POLG2: variants seen among roughly 807,000 people sequenced by gnomAD.
POLG2 encodes the protein DNA polymerase subunit gamma-2.
A neutral mutation model predicts 56.5 loss-of-function variants in POLG2; 50 were observed. That is an observed-to-expected ratio of 0.88 (90% CI 0.71 to 1.12). POLG2 has a LOEUF of 1.12. Ranked by LOEUF, POLG2 falls within the 50% of genes most tolerant of loss-of-function variation. POLG2 has a pLI of 0.00. For synonymous variants in POLG2, 226 were observed against 222.6 expected (o/e 1.02, Z -0.14); for missense variants, 584 against 583.3 (o/e 1.00, Z -0.01).
At chr17:64,482,190 A>ACCT (rs1396153069) in intron 6 of POLG2, among the ~76,000 whole-genome samples, 1 of 127,558 alleles carries the variant, frequency 7.8e-6, no homozygotes, top group East Asian at 2.4e-4. Context: ...TGCAACCTCC[A>ACCT]CCTCCCAGGT....
intron 3 of POLG2, 127 bp downstream of exon 3, chr17:64,492,540 G>T: frequency 3.1e-6 from 2 of 653,976 alleles, no homozygotes; most frequent in South Asian, 3.5e-5. Flanking sequence ...AAGAGTTTTT[G>T]TATTTGTATA....
At chr17:64,483,530 A>T (rs1555666914) in intron 5 of POLG2, among the ~76,000 whole-genome samples, 3 of 147,716 alleles carry the variant, frequency 2.0e-5, no homozygotes, top group Non-Finnish European at 4.4e-5. Context: ...AAAAAAAAAC[A>T]AATTAACTTG....
chr17:64,486,379 C>CTTTTTTTTTTTTTTTTTTTTTTTTTTTG, intron 4 of POLG2, among the ~76,000 whole-genome samples: 1 of 146,782 alleles, frequency 6.8e-6, no homozygotes, highest in South Asian at 2.2e-4. Context: ...TTTTTTAATA[C>CTTTTTTTTTTTTTTTTTTTTTTTTTTTG]AGACAGAGTC....
intron 1 of POLG2, among the ~76,000 whole-genome samples, chr17:64,495,803 G>C (rs1269550446): frequency 5.3e-5 from 8 of 151,916 alleles, no homozygotes; most frequent in Non-Finnish European, 1.0e-4. Flanking sequence ...CTGCCTCCTG[G>C]GTTCAAGCGA....
chr17:64,491,162 G>T, intron 3 of POLG2, among the ~76,000 whole-genome samples, 193 bp from the exon 4 acceptor site: 1 of 151,828 alleles, frequency 6.6e-6, no homozygotes, highest in East Asian at 1.9e-4. Flanking sequence ...TCATTCTGTT[G>T]CCCAGGTTAG....
At chr17:64,480,452 A>G (rs1047252927) in intron 6 of POLG2, 63 bp from the exon 7 acceptor site, 21 of 791,074 alleles carry the variant, frequency 2.7e-5, no homozygotes, top group Non-Finnish European at 4.1e-5. Context: ...TGATTATTCT[A>G]TTTTTGTGAA....
intron 1 of POLG2, among the ~76,000 whole-genome samples, chr17:64,495,177 C>CAAAAAAAAAAAAAAA (rs782184151): frequency 8.4e-6 from 1 of 119,352 alleles, no homozygotes; most frequent in Admixed American, 8.6e-5. Context: ...GACTCTGTCT[C>CAAAAAAAAAAAAAAA]AAAAAAAAAA....
At chr17:64,485,331 C>G (rs1555667223) in intron 5 of POLG2, 4 of 201,318 alleles carry the variant, frequency 2.0e-5, no homozygotes, top group Non-Finnish European at 2.0e-5. Flanking sequence ...CCATGTGGCA[C>G]AAGACCAGAA....
chr17:64,491,676 G>A (rs918925473), intron 3 of POLG2: 26 of 1,225,840 alleles, frequency 2.1e-5, no homozygotes, highest in South Asian at 9.6e-5. Context: ...GTACATCAAC[G>A]TGAAGAAGGG....
intron 4 of POLG2, among the ~76,000 whole-genome samples, chr17:64,487,970 T>C (rs2037987932): frequency 6.6e-6 from 1 of 152,262 alleles, no homozygotes; most frequent in Non-Finnish European, 1.5e-5. Flanking sequence ...ATAAATTCTT[T>C]TCTATCCTAA....
In POLG2 at chr17:64,488,424, TG is replaced by T. The variant is rs556628095; in HGVS notation, c.969+2371del. Among the ~76,000 whole-genome samples, 821 of 152,078 alleles carry T rather than the reference TG, an allele frequency of 5.4e-3. 5 individuals carry two copies. The highest frequency in any genetic ancestry group is 0.01 in the Middle Eastern group (3 of 294). On this transcript the variant is annotated intron_variant, in intron 4 of 7. Coordinates refer to ENST00000539111, the MANE Select transcript of POLG2 (RefSeq NM_007215.4). ...ATACCAATAAAAGAACAAAATAATC[TG>T]GGCATGGTAGTTCACACCTGTAATC...
Position 64,492,733 on chromosome 17 carries a change from A to G in POLG2, c.729T>C (p.Thr243=). The G allele has an allele frequency of 6.2e-7, 1 of 1,613,418 alleles. No homozygotes were observed. Among genetic ancestry groups the G allele is most frequent in the East Asian group, 2.2e-5 (1 of 44,866 alleles). The change falls in exon 3 of 8, where the codon ACT becomes ACC. Residue 243 remains threonine (T), a synonymous_variant. Coordinates refer to ENST00000539111, the MANE Select transcript of POLG2 (RefSeq NM_007215.4). ...EKTEASLVWF[T]PPRTSNQWLD... is the part of the protein sequence containing the mutation. ...GCCACTGGTTTGAAGTTCTCGGAGG[A>G]GTAAACCATACTAACGAAGCTTCAG...
At chr17:64,481,655 T>C (rs1555666486) in intron 6 of POLG2, among the ~76,000 whole-genome samples, 2 of 151,960 alleles carry the variant, frequency 1.3e-5, no homozygotes, top group African/African-American at 4.8e-5. Flanking sequence ...GGCGGATCAC[T>C]TGAGGTCAGG....
intron 1 of POLG2, among the ~76,000 whole-genome samples, chr17:64,495,739 G>C (rs1407047997): frequency 1.3e-5 from 2 of 150,306 alleles, no homozygotes; most frequent in African/African-American, 4.9e-5. Context: ...ACGGAGTTTT[G>C]CTCTTGTCAC....
chr17:64,485,660 CTAACAT>C lies in POLG2; in HGVS notation c.1110+62_1110+67del, dbSNP rs781811187. 4.8e-6 allele frequency: 6 copies of C among 1,238,954 alleles called. No homozygotes were observed. The Admixed American group carries it at 5.0e-5, about 10-fold the overall frequency. 76.7% of individuals were successfully genotyped at this position (1,238,954 alleles called of 1,614,324 possible). A position where few individuals can be genotyped will look rare whatever the true frequency, so the allele number is the denominator to read the frequency against. ...GAGTTTATGTTAGAAACCGAGCACACTAACATTAAGAACAAACAAACCCATATTTTT... is the reference window on the plus strand; with the variant it reads ...GAGTTTATGTTAGAAACCGAGCACACTAAGAACAAACAAACCCATATTTTT... On this transcript the variant is annotated intron_variant, in intron 5 of 7. Coordinates refer to ENST00000539111, the MANE Select transcript of POLG2 (RefSeq NM_007215.4).
chr17:64,496,270 G>A (rs1386928176), intron 1 of POLG2, 137 bp downstream of exon 1: 2 of 633,816 alleles, frequency 3.2e-6, no homozygotes, highest in East Asian at 2.6e-5. Flanking sequence ...TAATATATCC[G>A]ACTACTTCAA....
In POLG2 at chr17:64,492,145, T is replaced by G. The variant is rs145448111; in HGVS notation, c.795+522A>C. ...GAAGAAAGTATCACATAGTCCTCATTCTTACCCTTCTGCGAAGTTCTTGAT... is the reference window on the plus strand; with the variant it reads ...GAAGAAAGTATCACATAGTCCTCATGCTTACCCTTCTGCGAAGTTCTTGAT... On this transcript the variant is annotated intron_variant, in intron 3 of 7. Transcript: ENST00000539111. 4.4e-3 allele frequency among the ~76,000 whole-genome samples: 663 copies of G among 152,318 alleles called. 7 individuals carry two copies. The highest frequency in any genetic ancestry group is 0.015 in the African/African-American group (632 of 41,558).
Position 64,496,524 on chromosome 17 carries a change from A to C in POLG2, c.445T>G (p.Ser149Ala). Residue 149 changes from serine (S) to alanine (A), a missense_variant, in exon 1 of 8, where the codon TCT (serine) becomes GCT (alanine). Coordinates refer to ENST00000539111, the MANE Select transcript of POLG2 (RefSeq NM_007215.4). ...LPGDSAFRLV[S>A]AETLREILQD... ...AAGATTTCGCGTAGAGTTTCTGCAG[A>C]AACTAACCTGAAGGCACTGTCCCCG... The C allele has an allele frequency of 6.2e-7, 1 of 1,613,734 alleles. No homozygotes were observed. Among genetic ancestry groups the C allele is most frequent in the Non-Finnish European group, 8.5e-7 (1 of 1,179,668 alleles).
intron 4 of POLG2, among the ~76,000 whole-genome samples, chr17:64,489,798 T>G (rs1260709391): frequency 6.7e-6 from 1 of 148,974 alleles, no homozygotes; most frequent in Non-Finnish European, 1.5e-5. Flanking sequence ...AAACCTCACA[T>G]TAGTAACTGA....
Sources: allele counts gnomAD v4.1 joint callset (sites outside exome capture counted in the v4.1 genomes callset), GRCh38; gene constraint gnomAD v4.1.1; transcripts MANE v1.5; gene names NCBI Gene and HGNC (gene_info 2026-07-23, HGNC 2026-07-21).